TRIP4: variants seen among roughly 807,000 people sequenced by gnomAD.
The protein encoded by TRIP4 is thyroid hormone receptor interactor 4.
TRIP4 carries 54 observed loss-of-function variants against 81.8 expected under a neutral mutation model. The ratio of observed to expected loss-of-function variants is 0.66; its 90% CI spans 0.53 to 0.83. The LOEUF (loss-of-function observed/expected upper bound fraction) is 0.83, where lower values mean the gene tolerates loss of function less well. Ranked by LOEUF, TRIP4 falls within the 40% of genes least tolerant of loss-of-function variation. The pLI is 0.00. For synonymous variants in TRIP4, 270 were observed against 242.8 expected, an observed-to-expected ratio of 1.11 and a Z score of -1.04; for missense variants, 662 against 683.6, an observed-to-expected ratio of 0.97 and a Z score of 0.35.
chr15:64,419,178 A>G (rs1167755805), intron 9 of TRIP4, among the ~76,000 whole-genome samples: 4 of 152,176 alleles, frequency 2.6e-5, no homozygotes, highest in African/African-American at 9.7e-5. Context: ...TTTCCTGTCC[A>G]TATATCTAAC....
At chr15:64,401,805 G>C (rs1891515894) in intron 5 of TRIP4, among the ~76,000 whole-genome samples, 1 of 152,090 alleles carries the variant, frequency 6.6e-6, no homozygotes, top group African/African-American at 2.4e-5. Context: ...ATCACAATTA[G>C]AACACTACAG....
chr15:64,408,781 G>C lies in TRIP4; in HGVS notation c.828-832G>C, dbSNP rs138402114. Among the ~76,000 whole-genome samples, 53 of 152,184 alleles carry C rather than the reference G, an allele frequency of 3.5e-4. No individual in the cohort carries two copies. The East Asian group carries it at 8.5e-3, about 24-fold the overall frequency. On this transcript the variant is annotated intron_variant, in intron 6 of 12. Transcript: ENST00000261884. Reference sequence around the variant, plus strand: ...GTTAGACCATCAAGATTCCTTCCAGGTTTTAGTGTCTCTGTCAGTATGATC... The same window carrying C: ...GTTAGACCATCAAGATTCCTTCCAGCTTTTAGTGTCTCTGTCAGTATGATC...
intron 11 of TRIP4, among the ~76,000 whole-genome samples, chr15:64,439,339 A>G (rs1407088016): frequency 2.0e-5 from 3 of 151,984 alleles, no homozygotes; most frequent in Non-Finnish European, 4.4e-5. Context: ...TTATCACCTC[A>G]GTCTTCTTGG....
Position 64,409,597 on chromosome 15 carries a change from G to A in TRIP4, c.828-16G>A. ...TCAACAGATGACCTAATTACCATGT[G>A]TTCCCTTTTTCTCAGTATTCGAAGG... On this transcript the variant is annotated splice_polypyrimidine_tract_variant and intron_variant, in intron 6 of 12. Transcript: ENST00000261884. The A allele has an allele frequency of 6.2e-7, 1 of 1,611,846 alleles. No individual in the cohort carries two copies.
At chr15:64,407,482 A>G (rs1020868296) in intron 6 of TRIP4, among the ~76,000 whole-genome samples, 2 of 151,908 alleles carry the variant, frequency 1.3e-5, no homozygotes, top group African/African-American at 4.8e-5. Flanking sequence ...CCTGGCTAAC[A>G]CAGTGAAACC....
chr15:64,426,305 G>C (rs560306579), intron 11 of TRIP4, among the ~76,000 whole-genome samples: 2 of 148,334 alleles, frequency 1.3e-5, no homozygotes, highest in East Asian at 3.9e-4. Flanking sequence ...TGCCAGGACT[G>C]TGCCATATTT....
intron 7 of TRIP4, among the ~76,000 whole-genome samples, chr15:64,412,076 T>A (rs1376333878): frequency 6.6e-6 from 1 of 152,198 alleles, no homozygotes; most frequent in Non-Finnish European, 1.5e-5. Context: ...AAAATTGCCA[T>A]TTTCAGACAT....
chr15:64,433,217 G>A (rs1429806660), intron 11 of TRIP4, among the ~76,000 whole-genome samples: 9 of 152,154 alleles, frequency 5.9e-5, no homozygotes, highest in Admixed American at 4.6e-4. Context: ...TAGCTTTGAA[G>A]GATAGTAATG....
chr15:64,415,193 C>T (rs991762688), intron 8 of TRIP4, among the ~76,000 whole-genome samples: 4 of 151,756 alleles, frequency 2.6e-5, no homozygotes, highest in African/African-American at 9.7e-5. Context: ...GGCATGTGTA[C>T]ACAAAAACAT....
chr15:64,402,591 T>C (rs140576031), intron 5 of TRIP4, among the ~76,000 whole-genome samples: 2,502 of 150,982 alleles, frequency 0.017, 64 homozygotes, highest in African/African-American at 0.058. Flanking sequence ...TGGCGCGATC[T>C]CAGCTCACTG....
chr15:64,455,189 C>A lies in TRIP4; in HGVS notation c.*125C>A. 1.4e-6 allele frequency: 1 copy of A among 698,930 alleles called. No homozygotes were observed. Among genetic ancestry groups the A allele is most frequent in the Non-Finnish European group, 2.3e-6 (1 of 441,474 alleles). 43.3% of individuals were successfully genotyped at this position (698,930 alleles called of 1,614,324 possible). On this transcript the variant is annotated 3_prime_UTR_variant, in exon 13 of 13. Coordinates refer to ENST00000261884, the MANE Select transcript of TRIP4 (RefSeq NM_016213.5). Reference sequence around the variant, plus strand: ...GGCGTCAGGCTTGAATATCTCAGAACTTAAACTCTTACCAAAATCTGTATA... The same window carrying A: ...GGCGTCAGGCTTGAATATCTCAGAAATTAAACTCTTACCAAAATCTGTATA...
In TRIP4 at chr15:64,418,534, T is replaced by G. The variant is rs1485612409; in HGVS notation, c.1171-7T>G. 3.1e-6 allele frequency: 5 copies of G among 1,601,600 alleles called. No homozygotes were observed. The East Asian group carries it at 9.0e-5, about 29-fold the overall frequency. On this transcript the variant is annotated splice_polypyrimidine_tract_variant and splice_region_variant and intron_variant, in intron 8 of 12. Transcript: ENST00000261884. ...AGATAGAACTGTATGTTTGTTTTTC[T>G]GTGTAGTGGGTTGACCACACAGGTG...
intron 11 of TRIP4, among the ~76,000 whole-genome samples, chr15:64,439,831 A>T (rs1010613391): frequency 6.6e-6 from 1 of 151,938 alleles, no homozygotes; most frequent in Non-Finnish European, 1.5e-5. Flanking sequence ...GCTAACGTAT[A>T]AATCTTATAT....
In TRIP4 at chr15:64,395,512, C is replaced by T; in HGVS notation, c.386C>T (p.Thr129Ile). ...CCTGACACGACTGCAGAGGTTAAAA[C>T]ACCTTTTGATTTGGCCAAGGTGAGT... ...TEPDTTAEVK[T>I]PFDLAKAQEN... The change falls in exon 3 of 13, where the codon ACA becomes ATA. Residue 129 changes from threonine (T) to isoleucine (I), a missense_variant. Transcript: ENST00000261884. 1 of 1,610,666 alleles carries T rather than the reference C, an allele frequency of 6.2e-7. No homozygotes were observed. The highest frequency in any genetic ancestry group is 8.5e-7 in the Non-Finnish European group (1 of 1,178,128).
Position 64,393,942 on chromosome 15 carries a change from T to C in TRIP4, c.102-4T>C, listed in dbSNP as rs1386002322. On this transcript the variant is annotated splice_polypyrimidine_tract_variant and splice_region_variant and intron_variant, in intron 1 of 12. Coordinates refer to ENST00000261884, the MANE Select transcript of TRIP4 (RefSeq NM_016213.5). Reference sequence around the variant, plus strand: ...TTCAACAACTTATATCTTTGCCTCCTGAGGTACGTTTTGTCAATTGAGAGT... The same window carrying C: ...TTCAACAACTTATATCTTTGCCTCCCGAGGTACGTTTTGTCAATTGAGAGT... The C allele has an allele frequency of 3.8e-6, 6 of 1,573,760 alleles. No homozygotes were observed. In the Admixed American group the frequency reaches 7.6e-5, roughly 20 times the overall value.
chr15:64,392,981 C>T (rs1900179001), intron 1 of TRIP4, among the ~76,000 whole-genome samples: 3 of 152,106 alleles, frequency 2.0e-5, no homozygotes, highest in Middle Eastern at 3.4e-3. Context: ...TTCTGCAATT[C>T]CACCATTACA....
At chr15:64,405,255 T>C (rs7170718) in intron 5 of TRIP4, among the ~76,000 whole-genome samples, 126,305 of 151,498 alleles carry the variant, frequency 0.83, 55,044 homozygotes, top group East Asian at 0.96. Context: ...CCCAGGTTCA[T>C]GCCATTGTCC....
At chr15:64,432,840 G>A (rs939145611) in intron 11 of TRIP4, among the ~76,000 whole-genome samples, 11 of 151,974 alleles carry the variant, frequency 7.2e-5, no homozygotes, top group African/African-American at 2.7e-4. Flanking sequence ...GAACCCGGGA[G>A]GTGGAGGTTG....
In TRIP4 at chr15:64,394,029, A is replaced by G; in HGVS notation, c.185A>G (p.Gln62Arg). The change falls in exon 2 of 13, where the codon CAA (glutamine) becomes CGA (arginine). Residue 62 changes from glutamine to arginine, a missense_variant. Gln to Arg is a conservative substitution (Grantham distance 43). Coordinates refer to ENST00000261884, the MANE Select transcript of TRIP4 (RefSeq NM_016213.5). ...CAGGGAAATGAAGGCAAAAAAGGTC[A>G]ATTCATAGAAGAACTTATAACCAAA... ...LLQGNEGKKG[Q>R]FIEELITKWQ... The G allele has an allele frequency of 6.2e-7, 1 of 1,612,720 alleles. No homozygotes were observed.
Sources: gnomAD v4.1 joint callset for allele counts (sites outside exome capture counted in the v4.1 genomes callset) on GRCh38, gnomAD v4.1.1 for gene constraint, MANE v1.5 for transcripts, NCBI Gene and HGNC (gene_info 2026-07-23, HGNC 2026-07-21) for gene names.